Variants in HS6ST3 observed in about 807,000 individuals in gnomAD.
HS6ST3 encodes the protein heparan-sulfate 6-O-sulfotransferase 3.
A neutral mutation model predicts 36.7 loss-of-function variants in HS6ST3; 12 were observed. The observed-to-expected ratio is 0.33, with a 90% CI of 0.21 to 0.53. HS6ST3 has a LOEUF of 0.53. Among genes scored for constraint, HS6ST3 ranks in the 20% least tolerant of loss-of-function variants. HS6ST3 has a pLI of 0.95. For missense variants in HS6ST3, 584 were observed against 640.9 expected (o/e 0.91, Z 0.96); for synonymous variants, 240 against 257.5 (o/e 0.93, Z 0.65).
At chr13:96,502,012 G>A (rs1035938822) in intron 1 of HS6ST3, among the ~76,000 whole-genome samples, 3 of 152,112 alleles carry the variant, frequency 2.0e-5, no homozygotes, top group African/African-American at 7.2e-5. Context: ...AAACATATGG[G>A]CCATAAATTG....
intron 1 of HS6ST3, among the ~76,000 whole-genome samples, chr13:96,234,934 T>C (rs1376180926): frequency 3.3e-5 from 5 of 152,216 alleles, no homozygotes; most frequent in Non-Finnish European, 7.3e-5. Flanking sequence ...AATGATTTGT[T>C]GTAGATAATA....
At chr13:96,136,559 T>G (rs2054002680) in intron 1 of HS6ST3, among the ~76,000 whole-genome samples, 1 of 151,864 alleles carries the variant, frequency 6.6e-6, no homozygotes, top group African/African-American at 2.4e-5. Context: ...TCCACCGCCG[T>G]GAACCAGTCG....
chr13:96,128,339 C>T (rs1162835574), intron 1 of HS6ST3, among the ~76,000 whole-genome samples: 4 of 152,080 alleles, frequency 2.6e-5, no homozygotes, highest in Non-Finnish European at 4.4e-5. Context: ...AAAGATTTGC[C>T]GATTGTTTGT....
intron 1 of HS6ST3, among the ~76,000 whole-genome samples, chr13:96,772,749 T>C (rs1877294302): frequency 1.3e-5 from 2 of 152,218 alleles, no homozygotes. Flanking sequence ...CAAGTTATTG[T>C]AATATTGGCC....
At chr13:96,689,607 T>TTTTTC (rs1555318784) in intron 1 of HS6ST3, among the ~76,000 whole-genome samples, 10 of 1,480 alleles carry the variant, frequency 6.8e-3, no homozygotes, top group Admixed American at 0.024. Context: ...TCTTTCTTTC[T>TTTTTC]TTTTTTTTTT....
At chr13:96,551,483 T>C (rs781641980) in intron 1 of HS6ST3, among the ~76,000 whole-genome samples, 1 of 152,222 alleles carries the variant, frequency 6.6e-6, no homozygotes, top group African/African-American at 2.4e-5. Context: ...ACTGGGATTA[T>C]GGACAAGAAA....
At chr13:96,320,852 C>A (rs1398254111) in intron 1 of HS6ST3, among the ~76,000 whole-genome samples, 1 of 152,210 alleles carries the variant, frequency 6.6e-6, no homozygotes, top group East Asian at 1.9e-4. Flanking sequence ...GCCCCACTTC[C>A]TCACAGACAC....
chr13:96,210,086 A>G (rs1449730833), intron 1 of HS6ST3, among the ~76,000 whole-genome samples: 1 of 152,182 alleles, frequency 6.6e-6, no homozygotes, highest in Non-Finnish European at 1.5e-5. Context: ...CCTATGGAAT[A>G]CTGCCTTGGT....
chr13:96,663,183 A>G (rs2056652414), intron 1 of HS6ST3, among the ~76,000 whole-genome samples: 1 of 152,126 alleles, frequency 6.6e-6, no homozygotes, highest in Non-Finnish European at 1.5e-5. Flanking sequence ...AGGAGTCTGC[A>G]CCAGCTTCAT....
chr13:96,232,826 C>T (rs999964929), intron 1 of HS6ST3, among the ~76,000 whole-genome samples: 2 of 152,148 alleles, frequency 1.3e-5, no homozygotes, highest in African/African-American at 4.8e-5. Context: ...TCTAGGGGTT[C>T]TGGCTGAAAC....
chr13:96,304,679 T>TTTTCTTTCTTTC lies in HS6ST3; in HGVS notation c.707+213134_707+213145dup, dbSNP rs56363761. 3.6e-3 allele frequency among the ~76,000 whole-genome samples: 316 copies of TTTTCTTTCTTTC among 87,018 alleles called. 12 individuals carry two copies. Among genetic ancestry groups the TTTTCTTTCTTTC allele is most frequent in the East Asian group, 9.1e-3 (27 of 2,960 alleles). 57.1% of individuals were successfully genotyped at this position (87,018 alleles called of 152,430 possible). A position where few individuals can be genotyped will look rare whatever the true frequency, so the allele number is the denominator to read the frequency against. On this transcript the variant is annotated intron_variant, in intron 1 of 1. Coordinates refer to ENST00000376705, the MANE Select transcript of HS6ST3 (RefSeq NM_153456.4). ...CTACATGAGAATCACTGTTGCATGT[T>TTTTCTTTCTTTC]TTTCTTTCTTTCTTTCTTTCTTTCT... is the stretch of plus-strand genomic sequence containing the variant.
intron 1 of HS6ST3, among the ~76,000 whole-genome samples, chr13:96,266,044 T>A (rs1027798117): frequency 3.3e-5 from 5 of 151,844 alleles, no homozygotes; most frequent in Admixed American, 2.0e-4. Context: ...CTTGCAGGGT[T>A]ATTTTTTTTT....
intron 1 of HS6ST3, among the ~76,000 whole-genome samples, chr13:96,106,056 T>C (rs554985469): frequency 6.6e-6 from 1 of 152,368 alleles, no homozygotes; most frequent in South Asian, 2.1e-4. Context: ...GAGCTGTATA[T>C]AGAGGGTTCT....
chr13:96,522,971 A>G (rs1295251211), intron 1 of HS6ST3, among the ~76,000 whole-genome samples: 6 of 152,066 alleles, frequency 3.9e-5, no homozygotes, highest in Admixed American at 6.6e-5. Flanking sequence ...GGTCTTTACA[A>G]TTTGGCATGT....
At chr13:96,270,266 T>C (rs1372944237) in intron 1 of HS6ST3, among the ~76,000 whole-genome samples, 3 of 151,872 alleles carry the variant, frequency 2.0e-5, no homozygotes, top group Non-Finnish European at 4.4e-5. Flanking sequence ...CCTACTTTGC[T>C]GGCACTTTGA....
At chr13:96,756,365 AT>A (rs1566446133) in intron 1 of HS6ST3, among the ~76,000 whole-genome samples, 1 of 152,136 alleles carries the variant, frequency 6.6e-6, no homozygotes. Flanking sequence ...TTTAATTTAG[AT>A]GAAATTGAAC....
intron 1 of HS6ST3, among the ~76,000 whole-genome samples, chr13:96,573,130 G>C (rs996441543): frequency 8.5e-5 from 13 of 152,148 alleles, no homozygotes; most frequent in African/African-American, 2.9e-4. Context: ...TGAGCAAGCT[G>C]CCTCACCTCT....
At chr13:96,660,853 C>A (rs1418358491) in intron 1 of HS6ST3, among the ~76,000 whole-genome samples, 1 of 152,082 alleles carries the variant, frequency 6.6e-6, no homozygotes, top group East Asian at 1.9e-4. Flanking sequence ...GAGAGGAAGA[C>A]CCACCTTCAG....
intron 1 of HS6ST3, among the ~76,000 whole-genome samples, chr13:96,605,263 A>T (rs1004620099): frequency 6.6e-6 from 1 of 152,158 alleles, no homozygotes; most frequent in African/African-American, 2.4e-5. Flanking sequence ...AAGTAAAAAT[A>T]TTCCTATGGA....
Sources: allele counts gnomAD v4.1 joint callset (sites outside exome capture counted in the v4.1 genomes callset), GRCh38; gene constraint gnomAD v4.1.1; transcripts MANE v1.5; gene names NCBI Gene and HGNC (gene_info 2026-07-23, HGNC 2026-07-21).